RNGTT: variants seen among roughly 807,000 people sequenced by gnomAD.
RNGTT encodes the protein mRNA-capping enzyme.
In RNGTT, 33 loss-of-function variants were observed where a neutral mutation model predicts 79.3. That is an observed-to-expected ratio of 0.42 (90% CI 0.32 to 0.56). The LOEUF is 0.56. RNGTT is among the 20% of genes least tolerant of loss of function. The pLI is 0.17. For missense variants in RNGTT, 497 were observed against 739.1 expected, an observed-to-expected ratio of 0.67 and a Z score of 3.80; for synonymous variants, 222 against 235.9, an observed-to-expected ratio of 0.94 and a Z score of 0.54.
intron 13 of RNGTT, among the ~76,000 whole-genome samples, chr6:88,679,066 G>A (rs961643019): frequency 1.9e-4 from 29 of 151,824 alleles, no homozygotes; most frequent in African/African-American, 1.2e-4. Context: ...CCTAGTCAAC[G>A]TGAAGATAAC....
intron 12 of RNGTT, among the ~76,000 whole-genome samples, chr6:88,770,611 T>C (rs1366501483): frequency 6.6e-6 from 1 of 152,226 alleles, no homozygotes; most frequent in Non-Finnish European, 1.5e-5. Context: ...TCTGAACATT[T>C]GTATTGACAT....
chr6:88,935,024 CTATGTTTTCAT>C (rs1784623131), intron 2 of RNGTT, among the ~76,000 whole-genome samples: 1 of 152,182 alleles, frequency 6.6e-6, no homozygotes, highest in African/African-American at 2.4e-5. Flanking sequence ...GGTGTTTTCC[CTATGTTTTCAT>C]CTCAAAACTA....
At chr6:88,912,761 C>T (rs1039911031) in intron 4 of RNGTT, among the ~76,000 whole-genome samples, 7 of 152,112 alleles carry the variant, frequency 4.6e-5, no homozygotes, top group African/African-American at 7.2e-5. Flanking sequence ...ATTCTGAATA[C>T]CTCTATGCAC....
At chr6:88,944,818 G>C (rs1784953896) in intron 1 of RNGTT, among the ~76,000 whole-genome samples, 1 of 152,150 alleles carries the variant, frequency 6.6e-6, no homozygotes, top group Non-Finnish European at 1.5e-5. Flanking sequence ...TCCCATTCAA[G>C]ATAGCCCACA....
At chr6:88,628,279 T>C (rs1772712783) in intron 14 of RNGTT, among the ~76,000 whole-genome samples, 1 of 152,128 alleles carries the variant, frequency 6.6e-6, no homozygotes, top group Non-Finnish European at 1.5e-5. Flanking sequence ...ATTCCCTAAA[T>C]ATCTTCTCCC....
rs149948457 is a variant in RNGTT, at chr6:88,769,902, G to A, written c.1339-28C>T. 2.1e-4 allele frequency: 304 copies of A among 1,482,156 alleles called. No individual in the cohort carries two copies. The Middle Eastern group carries it at 2.3e-3, about 11-fold the overall frequency. The allele number at this position is 1,482,156 out of a possible 1,614,324, so 91.8% of individuals were successfully genotyped here. On this transcript the variant is annotated intron_variant, in intron 12 of 15. Transcript: ENST00000369485. ...AAAGCCAATTAAAATGATGACAATC[G>A]TTACTAAGAAGTTAAAAATTAAACA... is the stretch of plus-strand genomic sequence containing the variant.
At chr6:88,721,165 A>G (rs1035117355) in intron 13 of RNGTT, among the ~76,000 whole-genome samples, 1 of 152,048 alleles carries the variant, frequency 6.6e-6, no homozygotes, top group Non-Finnish European at 1.5e-5. Flanking sequence ...AATTTAATTC[A>G]CTGGTATGGT....
chr6:88,698,189 GAA>G (rs1228465958), intron 13 of RNGTT, among the ~76,000 whole-genome samples: 1 of 104,684 alleles, frequency 9.6e-6, no homozygotes, highest in East Asian at 2.5e-4. Context: ...ATATATATAT[GAA>G]ATATATATGA....
chr6:88,646,370 C>G (rs1051372919), intron 14 of RNGTT, among the ~76,000 whole-genome samples: 1 of 152,088 alleles, frequency 6.6e-6, no homozygotes, highest in Non-Finnish European at 1.5e-5. Flanking sequence ...TGTGGAGAAA[C>G]AGGAACATTT....
At chr6:88,825,870 T>C (rs1266443794) in intron 11 of RNGTT, among the ~76,000 whole-genome samples, 1 of 152,218 alleles carries the variant, frequency 6.6e-6, no homozygotes, top group Non-Finnish European at 1.5e-5. Flanking sequence ...TTCTCCTCAC[T>C]CTGCACCCGT....
intron 12 of RNGTT, among the ~76,000 whole-genome samples, chr6:88,778,327 G>A (rs1167775950): frequency 1.3e-5 from 2 of 152,136 alleles, no homozygotes; most frequent in African/African-American, 2.4e-5. Context: ...AATATAGGAT[G>A]TGCTAAAGGA....
chr6:88,853,717 C>T lies in RNGTT; in HGVS notation c.944G>A (p.Arg315Lys), dbSNP rs1197333253. ...TGAAACATGAAATACTGAATTGTCT[C>T]TATCAATCATAAAAACTTCATTTGT... ...DGTNEVFMID[R>K]DNSVFHVSNL... Residue 315 changes from arginine to lysine, a missense_variant, in exon 9 of 16, where the codon AGA becomes AAA. Arg to Lys is a conservative substitution (Grantham distance 26). Coordinates refer to ENST00000369485, the MANE Select transcript of RNGTT (RefSeq NM_003800.5). 1.3e-6 allele frequency: 2 copies of T among 1,578,836 alleles called. No individual in the cohort carries two copies.
intron 13 of RNGTT, among the ~76,000 whole-genome samples, chr6:88,715,269 G>A (rs1776468214): frequency 6.6e-6 from 1 of 152,102 alleles, no homozygotes; most frequent in Non-Finnish European, 1.5e-5. Flanking sequence ...GGATGTGAAG[G>A]ACCTCTTCAA....
chr6:88,904,039 C>A (rs781063601), intron 6 of RNGTT, among the ~76,000 whole-genome samples: 5 of 152,022 alleles, frequency 3.3e-5, no homozygotes, highest in Non-Finnish European at 5.9e-5. Context: ...GAGGGGGATG[C>A]AGAATTCATA....
chr6:88,767,215 G>C (rs778711228), intron 13 of RNGTT, among the ~76,000 whole-genome samples: 2 of 151,990 alleles, frequency 1.3e-5, no homozygotes, highest in Non-Finnish European at 2.9e-5. Context: ...AATCACCTTA[G>C]AGAAACATTT....
chr6:88,801,925 G>A (rs904480790), intron 11 of RNGTT, among the ~76,000 whole-genome samples: 1 of 150,720 alleles, frequency 6.6e-6, no homozygotes, highest in South Asian at 2.1e-4. Context: ...CCAAAATAAT[G>A]AATAAAGCAC....
chr6:88,660,358 T>C (rs886958316), intron 14 of RNGTT, among the ~76,000 whole-genome samples: 2 of 152,118 alleles, frequency 1.3e-5, no homozygotes, highest in Non-Finnish European at 2.9e-5. Flanking sequence ...AGATACAGAA[T>C]AGCAGAATGG....
intron 14 of RNGTT, among the ~76,000 whole-genome samples, chr6:88,632,327 T>C (rs1772921246): frequency 6.6e-6 from 1 of 152,136 alleles, no homozygotes; most frequent in Non-Finnish European, 1.5e-5. Context: ...CCAAAGCATA[T>C]GCCTCTTTGG....
intron 12 of RNGTT, among the ~76,000 whole-genome samples, chr6:88,785,862 T>C (rs1366360647): frequency 6.6e-6 from 1 of 152,166 alleles, no homozygotes; most frequent in African/African-American, 2.4e-5. Flanking sequence ...AAGAATGCAA[T>C]ATTAAAATCA....
Sources: gnomAD v4.1 joint callset for allele counts (sites outside exome capture counted in the v4.1 genomes callset) on GRCh38, gnomAD v4.1.1 for gene constraint, MANE v1.5 for transcripts, NCBI Gene and HGNC (gene_info 2026-07-23, HGNC 2026-07-21) for gene names.